CREBRF: variants seen among roughly 807,000 people sequenced by gnomAD.
CREBRF encodes the protein UPF0474 protein C5orf41.
CREBRF carries 5 observed loss-of-function variants against 66.1 expected under a neutral mutation model. The ratio of observed to expected loss-of-function variants is 0.08; its 90% CI spans 0.04 to 0.16. The LOEUF (loss-of-function observed/expected upper bound fraction) is 0.16, where lower values mean the gene tolerates loss of function less well. CREBRF is among the 10% of genes least tolerant of loss of function. The pLI, the probability that CREBRF is intolerant of heterozygous loss-of-function variation, is 1.00. For missense variants in CREBRF, 531 were observed against 744.9 expected, an observed-to-expected ratio of 0.71 and a Z score of 3.34; for synonymous variants, 229 against 264.4, an observed-to-expected ratio of 0.87 and a Z score of 1.30.
At position 173,091,468 on chromosome 5, in the gene CREBRF, TG is replaced by T. The variant is rs760665779; in HGVS notation, c.1222+68del. 2.6e-6 allele frequency: 4 copies of T among 1,544,234 alleles called. No individual in the cohort carries two copies. The Admixed American group carries it at 8.1e-5, about 31-fold the overall frequency. ...TACTATTTTGAAATAGAAAGGTTTT[TG>T]TTTCTGTTTTGTTTGGATAATTTCT... On this transcript the variant is annotated intron_variant, in intron 4 of 8. Coordinates refer to ENST00000296953, the MANE Select transcript of CREBRF (RefSeq NM_153607.3).
At chr5:173,117,555 CT>C (rs2113784945) in intron 7 of CREBRF, among the ~76,000 whole-genome samples, 12 of 39,980 alleles carry the variant, frequency 3.0e-4, no homozygotes, top group Non-Finnish European at 4.1e-4. Flanking sequence ...CCCCTCCCCT[CT>C]TCCTCCCTCC....
At chr5:173,071,410 A>T (rs982423326) in intron 1 of CREBRF, among the ~76,000 whole-genome samples, 6 of 151,962 alleles carry the variant, frequency 3.9e-5, no homozygotes, top group African/African-American at 1.4e-4. Flanking sequence ...GGGTTTCATC[A>T]TGTTGGCCAG....
intron 1 of CREBRF, among the ~76,000 whole-genome samples, chr5:173,065,261 G>A (rs1176816368): frequency 6.6e-6 from 1 of 152,186 alleles, no homozygotes; most frequent in African/African-American, 2.4e-5. Flanking sequence ...TACAGCTGAA[G>A]TATAAAAGAT....
In CREBRF at chr5:173,133,733, A is replaced by T; in HGVS notation, c.1908A>T (p.Thr636=). The T allele has an allele frequency of 6.3e-7, 1 of 1,582,462 alleles. No homozygotes were observed. Among genetic ancestry groups the T allele is most frequent in the Non-Finnish European group, 8.7e-7 (1 of 1,152,462 alleles). Residue 636 remains threonine, a synonymous_variant, in exon 9 of 9, where the codon ACA becomes ACT. Coordinates refer to ENST00000296953, the MANE Select transcript of CREBRF (RefSeq NM_153607.3). ...GCCTTGTAGGATTAAGGATACCAAC[A>T]TCAAAGGTGTAATCAGCCTCATTGG... ...TGGLVGLRIP[T]SKV
chr5:173,101,186 C>T (rs6880476), intron 4 of CREBRF, among the ~76,000 whole-genome samples: 119 of 151,936 alleles, frequency 7.8e-4, no homozygotes, highest in African/African-American at 2.7e-3. Context: ...CTCAGCCTCC[C>T]AAGTAGCTGA....
At chr5:173,100,385 T>C (rs1234123608) in intron 4 of CREBRF, among the ~76,000 whole-genome samples, 2 of 151,884 alleles carry the variant, frequency 1.3e-5, no homozygotes, top group South Asian at 2.1e-4. Context: ...AATATGACTG[T>C]TCTTATTTTT....
chr5:173,123,050 A>G (rs961625019), intron 7 of CREBRF, 30 bp from the exon 8 acceptor site: 8 of 1,560,966 alleles, frequency 5.1e-6, no homozygotes, highest in Non-Finnish European at 6.9e-6. Context: ...TGGTAGTGAC[A>G]TATTCCAAGT....
At chr5:173,078,120 G>A (rs543737917) in intron 1 of CREBRF, among the ~76,000 whole-genome samples, 1 of 152,126 alleles carries the variant, frequency 6.6e-6, no homozygotes, top group East Asian at 1.9e-4. Flanking sequence ...ATTGGATTTC[G>A]CTTTTTGAAG....
In CREBRF at chr5:173,133,926, C is replaced by T; in HGVS notation, c.*181C>T. 1 of 421,114 alleles carries T rather than the reference C, an allele frequency of 2.4e-6. No individual in the cohort carries two copies. Among genetic ancestry groups the T allele is most frequent in the Non-Finnish European group, 4.3e-6 (1 of 234,670 alleles). The allele number at this position is 421,114 out of a possible 1,614,324, so 26.1% of individuals were successfully genotyped here. Reference sequence around the variant, plus strand: ...CCAAAATACTTGATTATTGCATTTTCAGAGCATAAACCATGATTAAAACTG... The same window carrying T: ...CCAAAATACTTGATTATTGCATTTTTAGAGCATAAACCATGATTAAAACTG... On this transcript the variant is annotated 3_prime_UTR_variant, in exon 9 of 9. Transcript: ENST00000296953.
At chr5:173,073,427 A>AACAGCT (rs1263584559) in intron 1 of CREBRF, among the ~76,000 whole-genome samples, 5 of 152,164 alleles carry the variant, frequency 3.3e-5, no homozygotes, top group African/African-American at 9.7e-5. Context: ...TTAATCTGTA[A>AACAGCT]ACAGCTACAC....
intron 8 of CREBRF, among the ~76,000 whole-genome samples, chr5:173,132,171 T>C: frequency 6.7e-6 from 1 of 148,458 alleles, no homozygotes; most frequent in Admixed American, 6.7e-5. Flanking sequence ...TTGCAGTCTC[T>C]GCCTCCTGGG....
chr5:173,068,207 A>T, intron 1 of CREBRF: 1 of 426,850 alleles, frequency 2.3e-6, no homozygotes, highest in Non-Finnish European at 4.7e-6. Flanking sequence ...TGACTGCCTG[A>T]TGGAGGAGTG....
rs1482396674 is a variant in CREBRF, at chr5:173,090,955, C to G, written c.776C>G (p.Ala259Gly). 2 of 1,614,026 alleles carry G rather than the reference C, an allele frequency of 1.2e-6. No individual in the cohort carries two copies. The highest frequency in any genetic ancestry group is 1.7e-6 in the Non-Finnish European group (2 of 1,180,042). ...TTGTTGAGCCAGATTCACACAGATG[C>G]AGCAAAGGAGAACACCTGCTACTGT... ...RPLLSQIHTD[A>G]AKENTCYCGA... The change falls in exon 4 of 9, where the codon GCA (alanine) becomes GGA (glycine). Residue 259 changes from alanine (A) to glycine (G), a missense_variant. Ala to Gly is a moderately conservative substitution (Grantham distance 60). Transcript: ENST00000296953. The surrounding 1 kb of genome is among the most constrained non-coding windows in gnomAD (Gnocchi z 4.5).
chr5:173,095,220 G>A (rs561248314), intron 4 of CREBRF, among the ~76,000 whole-genome samples: 72 of 117,066 alleles, frequency 6.2e-4, no homozygotes, highest in African/African-American at 2.3e-3. Context: ...ATGGAGTCTC[G>A]TTCTGTTGCT....
intron 7 of CREBRF, among the ~76,000 whole-genome samples, chr5:173,112,631 C>T (rs1231972144): frequency 6.6e-6 from 1 of 152,120 alleles, no homozygotes; most frequent in Admixed American, 6.6e-5. Context: ...CACATTGTGA[C>T]CATGATAATT....
chr5:173,083,107 A>G (rs1471230403), intron 2 of CREBRF, among the ~76,000 whole-genome samples: 1 of 151,870 alleles, frequency 6.6e-6, no homozygotes, highest in Non-Finnish European at 1.5e-5. Flanking sequence ...GCCTGCCTGT[A>G]GTCCCAGCTA....
chr5:173,057,284 G>C (rs1388936372), intron 1 of CREBRF: 1 of 152,700 alleles, frequency 6.5e-6, no homozygotes, highest in Non-Finnish European at 1.5e-5. Flanking sequence ...GAGGTGGGCC[G>C]GGCGGGGCAG....
At position 173,075,654 on chromosome 5, in the gene CREBRF, G is replaced by A. The variant is rs560335771; in HGVS notation, c.-191-4931G>A. 1.1e-4 allele frequency among the ~76,000 whole-genome samples: 16 copies of A among 152,228 alleles called. No individual in the cohort carries two copies. The South Asian group carries it at 1.7e-3, about 16-fold the overall frequency. On this transcript the variant is annotated intron_variant, in intron 1 of 8. Coordinates refer to ENST00000296953, the MANE Select transcript of CREBRF (RefSeq NM_153607.3). ...CTTTCTTGCCAAACAAGGGAGTCAC[G>A]TGGGGTATACACATTGTATAAGCTT...
chr5:173,070,848 C>T (rs1430546129), intron 1 of CREBRF, among the ~76,000 whole-genome samples: 1 of 152,022 alleles, frequency 6.6e-6, no homozygotes, highest in East Asian at 1.9e-4. Flanking sequence ...GAGCACCACA[C>T]CTTTGATTCC....
Sources: allele counts gnomAD v4.1 joint callset (sites outside exome capture counted in the v4.1 genomes callset), GRCh38; gene constraint gnomAD v4.1.1; non-coding constraint Gnocchi (gnomAD v3.1); transcripts MANE v1.5; gene names NCBI Gene and HGNC (gene_info 2026-07-23, HGNC 2026-07-21).